The following CNBD1 variants were observed in gnomAD, a reference collection of about 807,000 sequenced individuals.
The protein encoded by CNBD1 is cyclic nucleotide binding domain containing 1, also known as cyclic nucleotide-binding domain-containing protein 1.
Under a neutral mutation model 54.4 loss-of-function variants are expected in CNBD1, and 71 were observed. That is an observed-to-expected ratio of 1.30 (90% CI 1.08 to 1.59). The LOEUF is 1.59. Ranked by LOEUF, CNBD1 falls within the 40% of genes most tolerant of loss-of-function variation. The probability of loss-of-function intolerance (pLI) is 0.00; values close to 1 mark genes in which losing one functional copy is unlikely to be tolerated. For missense variants in CNBD1, 659 were observed against 518.0 expected (o/e 1.27, Z -2.64); for synonymous variants, 182 against 170.7 (o/e 1.07, Z -0.51).
chr8:87,135,051 G>C (rs1470176012), intron 4 of CNBD1, among the ~76,000 whole-genome samples: 1 of 152,046 alleles, frequency 6.6e-6, no homozygotes, highest in Non-Finnish European at 1.5e-5. Flanking sequence ...TCCTAAAAAT[G>C]TATTTTGATG....
At chr8:87,341,702 G>C (rs1382023937) in intron 8 of CNBD1, among the ~76,000 whole-genome samples, 1 of 152,176 alleles carries the variant, frequency 6.6e-6, no homozygotes. Context: ...CTGATCTCTT[G>C]TGAAGAAAAG....
chr8:87,054,272 T>G (rs983095566), intron 4 of CNBD1, among the ~76,000 whole-genome samples: 18 of 152,202 alleles, frequency 1.2e-4, no homozygotes, highest in Admixed American at 1.1e-3. Flanking sequence ...AAGGGAAGTT[T>G]GGGGCTGTCC....
intron 4 of CNBD1, among the ~76,000 whole-genome samples, chr8:87,114,141 G>A (rs1268555631): frequency 6.6e-6 from 1 of 152,092 alleles, no homozygotes; most frequent in East Asian, 1.9e-4. Context: ...AGTAATTTTT[G>A]AAAAGGTTAT....
chr8:87,403,562 T>A (rs1807603274), intron 2 of CNBD1, among the ~76,000 whole-genome samples: 1 of 152,084 alleles, frequency 6.6e-6, no homozygotes, highest in Non-Finnish European at 1.5e-5. Context: ...TTCTGAATGT[T>A]GCTTTACTTC....
chr8:87,353,650 AC>A lies in CNBD1; in HGVS notation c.1168del (p.Val391PhefsTer56). ...TTTTTTAACAGAAAAGATCTCAAAAACTTGTTTATATGGGGAAACTTAAGGA... is the reference window on the plus strand; with the variant it reads ...TTTTTTAACAGAAAAGATCTCAAAAATTGTTTATATGGGGAAACTTAAGGA... ...RSNKVKRSQKLVYMGKLKEKE... is the reference protein window; with the variant it reads ...RSNKVKRSQKXVYMGKLKEKE... On this transcript the variant is annotated frameshift_variant, in exon 10 of 11. Transcript: ENST00000518476. LOFTEE classifies it high-confidence loss of function. 1 of 1,584,970 alleles carries A rather than the reference AC, an allele frequency of 6.3e-7. No individual in the cohort carries two copies. Among genetic ancestry groups the A allele is most frequent in the Non-Finnish European group, 8.6e-7 (1 of 1,167,046 alleles).
In CNBD1 at chr8:87,303,169, G is replaced by T. The variant is rs1003981128; in HGVS notation, c.1042+16498G>T. Reference sequence around the variant, plus strand: ...TTCATATGGAGCCAAAAAAGAGCCTGCATTGCCAAGTCAATCCTAAGCCAA... The same window carrying T: ...TTCATATGGAGCCAAAAAAGAGCCTTCATTGCCAAGTCAATCCTAAGCCAA... On this transcript the variant is annotated intron_variant, in intron 8 of 10. Transcript: ENST00000518476. 7.9e-5 allele frequency among the ~76,000 whole-genome samples: 12 copies of T among 151,622 alleles called. 1 individual carries two copies. The highest frequency in any genetic ancestry group is 5.9e-4 in the Admixed American group (9 of 15,204).
intron 4 of CNBD1, among the ~76,000 whole-genome samples, chr8:87,179,276 G>T (rs1215567763): frequency 6.6e-6 from 1 of 152,112 alleles, no homozygotes; most frequent in Admixed American, 6.5e-5. Context: ...GGAGTTAATT[G>T]GAGATAAAAG....
chr8:86,924,478 T>C (rs1359252632), intron 3 of CNBD1, among the ~76,000 whole-genome samples: 1 of 152,150 alleles, frequency 6.6e-6, no homozygotes, highest in Non-Finnish European at 1.5e-5. Context: ...ATAATGTAGA[T>C]TTGTAATTAT....
chr8:87,305,426 CA>C (rs367655455), intron 8 of CNBD1, among the ~76,000 whole-genome samples: 1 of 152,068 alleles, frequency 6.6e-6, no homozygotes, highest in Non-Finnish European at 1.5e-5. Flanking sequence ...GATGTGGAAC[CA>C]AAAAAGTGCC....
intron 4 of CNBD1, among the ~76,000 whole-genome samples, chr8:87,082,251 C>A (rs997250522): frequency 6.6e-6 from 1 of 152,130 alleles, no homozygotes; most frequent in Non-Finnish European, 1.5e-5. Context: ...GTGACCCACA[C>A]CCCTGCCCGC....
Position 87,329,745 on chromosome 8 carries a change from C to T in CNBD1, c.1043-21940C>T, listed in dbSNP as rs547695980. Among the ~76,000 whole-genome samples the T allele has an allele frequency of 9.2e-5, 14 of 151,892 alleles. No homozygotes were observed. The East Asian group carries it at 1.2e-3, about 13-fold the overall frequency. On this transcript the variant is annotated intron_variant, in intron 8 of 10. Coordinates refer to ENST00000518476, the MANE Select transcript of CNBD1 (RefSeq NM_173538.3). ...GAAGAATTGACTTGTGTATATTAAC[C>T]TTGTATCCGCAACCCTTATATATTA...
intron 4 of CNBD1, among the ~76,000 whole-genome samples, chr8:87,147,632 T>C (rs928027351): frequency 2.0e-5 from 3 of 152,164 alleles, no homozygotes; most frequent in African/African-American, 7.2e-5. Context: ...TGAGAGCTTC[T>C]AAAACCTGCA....
intron 2 of CNBD1, among the ~76,000 whole-genome samples, chr8:86,897,944 GA>G (rs1434224351): frequency 6.6e-6 from 1 of 151,622 alleles, no homozygotes; most frequent in African/African-American, 2.4e-5. Context: ...TTTTGAGATA[GA>G]AAAAAATGAA....
At chr8:87,037,695 G>GT (rs1295194712) in intron 4 of CNBD1, among the ~76,000 whole-genome samples, 2 of 151,826 alleles carry the variant, frequency 1.3e-5, no homozygotes, top group Non-Finnish European at 2.9e-5. Flanking sequence ...TAATATTTTG[G>GT]TTTTTTTGGG....
chr8:87,183,635 C>CTAGTTCTTTTTCATCTGTATGGGCTGA, intron 4 of CNBD1, among the ~76,000 whole-genome samples: 2 of 152,182 alleles, frequency 1.3e-5, no homozygotes, highest in South Asian at 4.1e-4. Context: ...AATTCTTGTA[C>CTAGTTCTTTTTCATCTGTATGGGCTGA]TAGTTCTTTT....
At chr8:87,147,957 A>G (rs1011495506) in intron 4 of CNBD1, among the ~76,000 whole-genome samples, 1 of 152,082 alleles carries the variant, frequency 6.6e-6, no homozygotes, top group African/African-American at 2.4e-5. Context: ...TATGCAGGAT[A>G]CCTTTCTGAA....
intron 8 of CNBD1, among the ~76,000 whole-genome samples, chr8:87,288,101 C>G (rs1210034682): frequency 1.3e-5 from 2 of 151,932 alleles, no homozygotes; most frequent in African/African-American, 4.8e-5. Flanking sequence ...GATGAGCATC[C>G]CAGAACCAGT....
chr8:86,902,844 G>A (rs1483807348), intron 2 of CNBD1, among the ~76,000 whole-genome samples: 1 of 151,846 alleles, frequency 6.6e-6, no homozygotes, highest in Non-Finnish European at 1.5e-5. Flanking sequence ...TTTGTCCCTA[G>A]CATGCTAATT....
intron 4 of CNBD1, among the ~76,000 whole-genome samples, chr8:86,964,426 T>C (rs560355672): frequency 6.6e-6 from 1 of 152,238 alleles, no homozygotes; most frequent in Non-Finnish European, 1.5e-5. Flanking sequence ...AAAAATTCTC[T>C]GCCACTTGCA....
Sources: gnomAD v4.1 joint callset for allele counts (sites outside exome capture counted in the v4.1 genomes callset) on GRCh38, gnomAD v4.1.1 for gene constraint, MANE v1.5 for transcripts, NCBI Gene and HGNC (gene_info 2026-07-23, HGNC 2026-07-21) for gene names.